Variants in CDH4 observed in about 807,000 individuals in gnomAD.
The protein encoded by CDH4 is cadherin-4.
CDH4 carries 33 observed loss-of-function variants against 86.0 expected under a neutral mutation model. The ratio of observed to expected loss-of-function variants is 0.38; its 90% CI spans 0.29 to 0.51. The LOEUF (loss-of-function observed/expected upper bound fraction) is 0.51. Among genes scored for constraint, CDH4 ranks in the 20% least tolerant of loss-of-function variants. CDH4 has a pLI of 0.86. For synonymous variants in CDH4, 555 were observed against 549.4 expected (o/e 1.01, Z -0.14); for missense variants, 1,114 against 1,307.4 (o/e 0.85, Z 2.28).
intron 2 of CDH4, among the ~76,000 whole-genome samples, chr20:61,332,312 C>T (rs1036648130): frequency 6.6e-6 from 1 of 152,184 alleles, no homozygotes; most frequent in African/African-American, 2.4e-5. Context: ...TCAGAGCTGG[C>T]CAAGCCAGGC....
At chr20:61,857,585 G>A (rs929796668) in intron 6 of CDH4, among the ~76,000 whole-genome samples, 33 of 152,392 alleles carry the variant, frequency 2.2e-4, no homozygotes, top group African/African-American at 6.5e-4. Flanking sequence ...GCCTGGCTTC[G>A]CAGCCCTCAC....
intron 4 of CDH4, among the ~76,000 whole-genome samples, chr20:61,776,734 G>A (rs1354263422): frequency 6.6e-6 from 1 of 152,238 alleles, no homozygotes; most frequent in Non-Finnish European, 1.5e-5. Context: ...GGGCGAGGGT[G>A]GCCTGTGCTC....
At chr20:61,785,378 A>G (rs1176191670) in intron 4 of CDH4, among the ~76,000 whole-genome samples, 1 of 152,170 alleles carries the variant, frequency 6.6e-6, no homozygotes, top group East Asian at 1.9e-4. Context: ...CCAGCCACTA[A>G]GAATGCAGGC....
intron 2 of CDH4, among the ~76,000 whole-genome samples, chr20:61,696,251 G>A (rs944744458): frequency 2.6e-4 from 40 of 152,232 alleles, no homozygotes; most frequent in Admixed American, 3.3e-4. Flanking sequence ...CAACAAGGCC[G>A]ACTCGGGCAC....
chr20:61,460,180 GC>G (rs557498376), intron 2 of CDH4, among the ~76,000 whole-genome samples: 111 of 152,312 alleles, frequency 7.3e-4, no homozygotes, highest in Non-Finnish European at 1.0e-3. Context: ...TTTGCCCTCG[GC>G]TAGCACATAA....
intron 5 of CDH4, among the ~76,000 whole-genome samples, chr20:61,846,659 A>G (rs1175700163): frequency 6.6e-6 from 1 of 152,216 alleles, no homozygotes; most frequent in African/African-American, 2.4e-5. Context: ...TGAGAAACAG[A>G]TTCAGAGACA....
At chr20:61,867,415 T>G (rs1641030075) in intron 6 of CDH4, among the ~76,000 whole-genome samples, 1 of 152,100 alleles carries the variant, frequency 6.6e-6, no homozygotes, top group South Asian at 2.1e-4. Flanking sequence ...TCGGGCATGT[T>G]GGTGCACTCC....
intron 2 of CDH4, among the ~76,000 whole-genome samples, chr20:61,515,511 T>C (rs1393268714): frequency 6.6e-6 from 1 of 152,214 alleles, no homozygotes; most frequent in Admixed American, 6.5e-5. Flanking sequence ...TTTTCCCCTC[T>C]GTGCTACAAA....
rs1352708983 is a variant in CDH4 at position 61,273,415 on chromosome 20, T to C, written c.169+18478T>C. Among the ~76,000 whole-genome samples the C allele has an allele frequency of 1.2e-3, 88 of 73,228 alleles. 1 individual carries two copies. The highest frequency in any genetic ancestry group is 9.2e-3 in the South Asian group (15 of 1,636). 48.0% of individuals were successfully genotyped at this position (73,228 alleles called of 152,430 possible). On this transcript the variant is annotated intron_variant, in intron 2 of 15. Transcript: ENST00000614565. ...GCAGTTTGGGGGAGTATTGGGGGAGTACCATGTGCAGTTTGGGGGAGGACC... is the reference window on the plus strand; with the variant it reads ...GCAGTTTGGGGGAGTATTGGGGGAGCACCATGTGCAGTTTGGGGGAGGACC...
chr20:61,453,823 G>T (rs1568850744), intron 2 of CDH4, among the ~76,000 whole-genome samples: 1 of 152,154 alleles, frequency 6.6e-6, no homozygotes, highest in Admixed American at 6.5e-5. Context: ...GGGACCCAGT[G>T]GGAGGTAATT....
intron 2 of CDH4, among the ~76,000 whole-genome samples, chr20:61,726,973 A>G (rs2088121468): frequency 6.6e-6 from 1 of 151,770 alleles, no homozygotes; most frequent in Non-Finnish European, 1.5e-5. Context: ...CAGTGCCATC[A>G]TCGCCACCAT....
At chr20:61,679,992 G>A (rs1321660508) in intron 2 of CDH4, among the ~76,000 whole-genome samples, 1 of 152,132 alleles carries the variant, frequency 6.6e-6, no homozygotes, top group Non-Finnish European at 1.5e-5. Context: ...CCCGAGTGAA[G>A]CTTGCAGCCC....
rs550073506 is a variant in CDH4 at position 61,366,844 on chromosome 20, C to T, written c.169+111907C>T. ...ATTTTGTTTATGGCCAGTTTGGGGG[C>T]CAGTTTATGGCCAGATTTTGGGGGG... is the stretch of plus-strand genomic sequence containing the variant. On this transcript the variant is annotated intron_variant, in intron 2 of 15. Coordinates refer to ENST00000614565, the MANE Select transcript of CDH4 (RefSeq NM_001794.5). Among the ~76,000 whole-genome samples, 10 of 152,282 alleles carry T rather than the reference C, an allele frequency of 6.6e-5. No homozygotes were observed. In the East Asian group the frequency reaches 1.7e-3, roughly 26 times the overall value.
intron 5 of CDH4, among the ~76,000 whole-genome samples, chr20:61,845,132 GTCT>G (rs2146102540): frequency 6.6e-6 from 1 of 152,332 alleles, no homozygotes; most frequent in African/African-American, 2.4e-5. Context: ...CATCCACGTG[GTCT>G]TCTGCTTTGG....
chr20:61,739,496 G>A (rs1286655155), intron 2 of CDH4, among the ~76,000 whole-genome samples: 3 of 152,208 alleles, frequency 2.0e-5, no homozygotes, highest in Admixed American at 6.5e-5. Context: ...GTGATGTGAG[G>A]GGAGGGGTAG....
chr20:61,548,200 G>T (rs35960097), intron 2 of CDH4, among the ~76,000 whole-genome samples: 37,177 of 152,072 alleles, frequency 0.24, 5,727 homozygotes, highest in African/African-American at 0.43. Context: ...GGGTACGTAA[G>T]GGGAGAAATA....
chr20:61,798,134 G>A lies in CDH4; in HGVS notation c.576+24952G>A, dbSNP rs540582413. On this transcript the variant is annotated intron_variant, in intron 4 of 15. Transcript: ENST00000614565. ...CGCCCGGGTCACACCGTCAGTCACC[G>A]CCCTCTCACCCTGCGCCTCTCCTGA... 9.2e-5 allele frequency among the ~76,000 whole-genome samples: 14 copies of A among 152,196 alleles called. No homozygotes were observed. The South Asian group carries it at 2.7e-3, about 29-fold the overall frequency.
intron 4 of CDH4, among the ~76,000 whole-genome samples, chr20:61,782,894 A>G (rs73611571): frequency 5.3e-5 from 8 of 152,078 alleles, no homozygotes; most frequent in Admixed American, 3.3e-4. Flanking sequence ...GACCAGCCTG[A>G]CCAACATGGT....
Position 61,681,429 on chromosome 20 carries a change from A to G in CDH4, c.170-62134A>G, listed in dbSNP as rs76776695. Among the ~76,000 whole-genome samples the G allele has an allele frequency of 0.079, 12,029 of 152,254 alleles. 1,195 individuals carry two copies. The highest frequency in any genetic ancestry group is 0.23 in the African/African-American group (9,556 of 41,500). On this transcript the variant is annotated intron_variant, in intron 2 of 15. Transcript: ENST00000614565. The surrounding 1 kb of genome is among the most constrained non-coding windows in gnomAD (Gnocchi z 4.5). ...TGGATTAGACAATCCTTGGAACTTT[A>G]TAACTGTGTGCGTATTTCAAGGGAT...
Sources: allele counts gnomAD v4.1 joint callset (sites outside exome capture counted in the v4.1 genomes callset), GRCh38; gene constraint gnomAD v4.1.1; non-coding constraint Gnocchi (gnomAD v3.1); transcripts MANE v1.5; gene names NCBI Gene and HGNC (gene_info 2026-07-23, HGNC 2026-07-21).